SPECC1: variants seen among roughly 807,000 people sequenced by gnomAD.
SPECC1 encodes sperm antigen with calponin homology and coiled-coil domains 1.
Under a neutral mutation model 104.1 loss-of-function variants are expected in SPECC1, and 62 were observed. The ratio of observed to expected loss-of-function variants is 0.60; its 90% CI spans 0.49 to 0.74. The LOEUF (loss-of-function observed/expected upper bound fraction) is 0.74, where lower values mean the gene tolerates loss of function less well. Among genes scored for constraint, SPECC1 ranks in the 30% least tolerant of loss-of-function variants. The pLI, the probability that SPECC1 is intolerant of heterozygous loss-of-function variation, is 0.00. For synonymous variants in SPECC1, 513 were observed against 501.6 expected (o/e 1.02, Z -0.30); for missense variants, 1,306 against 1,310.5 (o/e 1.00, Z 0.05).
At chr17:20,183,989 G>A (rs1597907620) in intron 3 of SPECC1, among the ~76,000 whole-genome samples, 1 of 151,210 alleles carries the variant, frequency 6.6e-6, no homozygotes, top group Non-Finnish European at 1.5e-5. Flanking sequence ...TGGGCAACAC[G>A]GCAAAACCCC....
At chr17:20,030,424 A>T (rs2044762437) in intron 1 of SPECC1, among the ~76,000 whole-genome samples, 1 of 151,874 alleles carries the variant, frequency 6.6e-6, no homozygotes, top group Admixed American at 6.6e-5. Context: ...TAAATTTTTT[A>T]AAATTTTATT....
At chr17:20,206,466 G>A (rs138705289) in intron 4 of SPECC1, among the ~76,000 whole-genome samples, 1 of 152,054 alleles carries the variant, frequency 6.6e-6, no homozygotes, top group Non-Finnish European at 1.5e-5. Flanking sequence ...TAATCATCCT[G>A]TACATGTTAT....
chr17:20,043,320 T>C (rs575249110), intron 1 of SPECC1, among the ~76,000 whole-genome samples: 4 of 152,220 alleles, frequency 2.6e-5, no homozygotes, highest in Non-Finnish European at 5.9e-5. Context: ...TCTGAGATCA[T>C]GTGAGCATCC....
intron 3 of SPECC1, among the ~76,000 whole-genome samples, chr17:20,139,595 T>G (rs2030495214): frequency 6.6e-6 from 1 of 152,228 alleles, no homozygotes; most frequent in Non-Finnish European, 1.5e-5. Context: ...TCCAGATACA[T>G]TCTAGTGTTA....
chr17:20,188,862 C>G (rs981387992), intron 3 of SPECC1, among the ~76,000 whole-genome samples: 6 of 152,072 alleles, frequency 3.9e-5, no homozygotes, highest in African/African-American at 1.4e-4. Flanking sequence ...ACTCCCACCC[C>G]CAAAGTGATA....
At chr17:20,026,058 G>A (rs529384450) in intron 1 of SPECC1, among the ~76,000 whole-genome samples, 1 of 151,596 alleles carries the variant, frequency 6.6e-6, no homozygotes, top group Admixed American at 6.6e-5. Flanking sequence ...TTTGAATTGG[G>A]TTGTTTTGTT....
intron 2 of SPECC1, among the ~76,000 whole-genome samples, chr17:20,099,248 C>T (rs1312373064): frequency 1.3e-5 from 2 of 152,036 alleles, no homozygotes; most frequent in Non-Finnish European, 2.9e-5. Flanking sequence ...ACACTTTAAA[C>T]TTAGATTTTT....
In SPECC1 at chr17:20,076,248, G is replaced by A. The variant is rs535684133; in HGVS notation, c.-21-20383G>A. ...AGAGTCTCACTCTGTCGCCTAGGCT[G>A]GAGTGCAGTAGCGTGATCTCAGCTC... is the stretch of plus-strand genomic sequence containing the variant. On this transcript the variant is annotated intron_variant, in intron 1 of 14. Coordinates refer to ENST00000395527, the MANE Select transcript of SPECC1 (RefSeq NM_001243439.2). 2.0e-5 allele frequency among the ~76,000 whole-genome samples: 3 copies of A among 152,326 alleles called. No individual in the cohort carries two copies. In the East Asian group the frequency reaches 5.8e-4, roughly 29 times the overall value.
chr17:20,083,639 C>T (rs1281699450), intron 1 of SPECC1, among the ~76,000 whole-genome samples: 1 of 147,328 alleles, frequency 6.8e-6, no homozygotes, highest in African/African-American at 2.4e-5. Flanking sequence ...TGTATCCACT[C>T]ACTGTTGAGG....
intron 12 of SPECC1, among the ~76,000 whole-genome samples, chr17:20,266,636 A>G (rs545352154): frequency 6.6e-6 from 1 of 152,340 alleles, no homozygotes; most frequent in South Asian, 2.1e-4. Context: ...TGAATGAAAC[A>G]GGCAACAGTC....
At chr17:20,071,342 T>C (rs973742157) in intron 1 of SPECC1, among the ~76,000 whole-genome samples, 2 of 151,922 alleles carry the variant, frequency 1.3e-5, no homozygotes, top group Non-Finnish European at 2.9e-5. Flanking sequence ...TTCTGATCTA[T>C]TTTACTATCT....
At chr17:20,098,761 C>G (rs1033259119) in intron 2 of SPECC1, among the ~76,000 whole-genome samples, 4 of 152,204 alleles carry the variant, frequency 2.6e-5, no homozygotes, top group African/African-American at 9.7e-5. Flanking sequence ...CTCCTGCTGC[C>G]TTGTTTTCCT....
At chr17:20,103,290 A>G (rs1470284407) in intron 2 of SPECC1, among the ~76,000 whole-genome samples, 1 of 150,772 alleles carries the variant, frequency 6.6e-6, no homozygotes, top group Non-Finnish European at 1.5e-5. Flanking sequence ...AGGTCTTGGG[A>G]CTCCCCCAGC....
At chr17:20,312,139 A>G (rs1171610169) in intron 14 of SPECC1, among the ~76,000 whole-genome samples, 1 of 152,210 alleles carries the variant, frequency 6.6e-6, no homozygotes, top group Admixed American at 6.5e-5. Context: ...TGAGTTGGGA[A>G]TTATTCTCTC....
intron 3 of SPECC1, among the ~76,000 whole-genome samples, chr17:20,144,511 A>G (rs1419371267): frequency 6.6e-6 from 1 of 151,952 alleles, no homozygotes; most frequent in East Asian, 1.9e-4. Context: ...ACATGACCCC[A>G]TTGGTACCCC....
intron 13 of SPECC1, among the ~76,000 whole-genome samples, chr17:20,302,704 C>T (rs1333721553): frequency 6.7e-6 from 1 of 148,266 alleles, no homozygotes; most frequent in East Asian, 2.2e-4. Flanking sequence ...CGTCTTGCTC[C>T]GCTTGTGTTT....
At chr17:20,121,630 G>A (rs1458890245) in intron 3 of SPECC1, among the ~76,000 whole-genome samples, 2 of 152,166 alleles carry the variant, frequency 1.3e-5, no homozygotes, top group African/African-American at 4.8e-5. Context: ...CGCCTGGCCT[G>A]GATTCCAGTT....
chr17:20,084,420 G>A (rs1389831661), intron 1 of SPECC1, among the ~76,000 whole-genome samples: 3 of 152,066 alleles, frequency 2.0e-5, no homozygotes, highest in African/African-American at 7.2e-5. Flanking sequence ...GGGCGACAAG[G>A]GGAAGACTCC....
chr17:20,101,790 C>G (rs969251877), intron 2 of SPECC1, among the ~76,000 whole-genome samples: 9 of 152,176 alleles, frequency 5.9e-5, no homozygotes, highest in South Asian at 2.1e-4. Flanking sequence ...TTTAACAAAC[C>G]CTTCCTGTGA....
Sources: gnomAD v4.1 joint callset for allele counts (sites outside exome capture counted in the v4.1 genomes callset) on GRCh38, gnomAD v4.1.1 for gene constraint, MANE v1.5 for transcripts, NCBI Gene and HGNC (gene_info 2026-07-23, HGNC 2026-07-21) for gene names.